The following CEP128 variants were observed in gnomAD, a reference collection of about 807,000 sequenced individuals.
CEP128 encodes the protein centrosomal protein 128kDa.
In CEP128, 132 loss-of-function variants were observed where a neutral mutation model predicts 156.7. That is an observed-to-expected ratio of 0.84 (90% CI 0.73 to 0.97). The LOEUF (loss-of-function observed/expected upper bound fraction) is 0.97. CEP128 is among the 50% of genes least tolerant of loss of function. The pLI is 0.00. For synonymous variants in CEP128, 469 were observed against 448.9 expected, an observed-to-expected ratio of 1.04 and a Z score of -0.57; for missense variants, 1,252 against 1,281.9, an observed-to-expected ratio of 0.98 and a Z score of 0.36.
At chr14:80,618,422 A>T (rs1893320903) in intron 19 of CEP128, among the ~76,000 whole-genome samples, 1 of 152,256 alleles carries the variant, frequency 6.6e-6, no homozygotes, top group Middle Eastern at 3.2e-3. Flanking sequence ...TCTGGCAAGA[A>T]GATGGCTCTA....
chr14:80,624,501 G>A (rs891930730), intron 19 of CEP128, among the ~76,000 whole-genome samples: 9 of 152,022 alleles, frequency 5.9e-5, no homozygotes, highest in Non-Finnish European at 8.8e-5. Flanking sequence ...TGGAACTTCC[G>A]TACTGTTTTC....
chr14:80,775,305 G>A (rs1407030142), intron 16 of CEP128, among the ~76,000 whole-genome samples: 1 of 152,154 alleles, frequency 6.6e-6, no homozygotes, highest in Non-Finnish European at 1.5e-5. Flanking sequence ...ATCTCTCAAA[G>A]AGAAAGTCCC....
At chr14:80,921,694 T>C (rs1043419186) in intron 2 of CEP128, among the ~76,000 whole-genome samples, 3 of 152,178 alleles carry the variant, frequency 2.0e-5, no homozygotes, top group African/African-American at 7.2e-5. Context: ...CCGGGCGCAG[T>C]GGCTCATGCC....
intron 19 of CEP128, among the ~76,000 whole-genome samples, chr14:80,700,278 C>T (rs772236878): frequency 2.4e-4 from 36 of 151,966 alleles, no homozygotes; most frequent in Non-Finnish European, 1.0e-4. Context: ...GTAATGAGTC[C>T]CATATCTCCA....
chr14:80,938,589 A>T (rs779573697), intron 2 of CEP128, among the ~76,000 whole-genome samples: 1 of 152,050 alleles, frequency 6.6e-6, no homozygotes, highest in Admixed American at 6.6e-5. Context: ...TCTCCCCTCT[A>T]TGTTTCAGAG....
chr14:80,801,908 C>CA (rs771352686), intron 13 of CEP128, among the ~76,000 whole-genome samples: 11,294 of 18,672 alleles, frequency 0.6, 5,247 homozygotes, highest in Non-Finnish European at 0.79. Context: ...ACTCTGTCTC[C>CA]CCAAAAAAAA....
intron 14 of CEP128, among the ~76,000 whole-genome samples, chr14:80,788,310 T>TTTTTTTTTC (rs398025906): frequency 6.7e-6 from 1 of 149,438 alleles, no homozygotes; most frequent in Non-Finnish European, 1.5e-5. Flanking sequence ...TTTTTTTTTT[T>TTTTTTTTTC]CTGTTTCCTG....
At chr14:80,495,628 T>C (rs1887467385), downstream of CEP128, among the ~76,000 whole-genome samples, 1 of 152,122 alleles carries the variant, frequency 6.6e-6, no homozygotes, top group Non-Finnish European at 1.5e-5. Flanking sequence ...AGTAAATAAT[T>C]TGAGTTACTT....
intron 23 of CEP128, among the ~76,000 whole-genome samples, chr14:80,519,152 T>G (rs1451624153): frequency 6.6e-6 from 1 of 152,256 alleles, no homozygotes; most frequent in African/African-American, 2.4e-5. Context: ...CACAAGGACC[T>G]ATTTTCATTG....
At chr14:80,915,669 C>T (rs1213174572) in intron 3 of CEP128, among the ~76,000 whole-genome samples, 5 of 152,100 alleles carry the variant, frequency 3.3e-5, no homozygotes, top group African/African-American at 4.8e-5. Context: ...TTATTTTCAC[C>T]CACAAATAAT....
intron 14 of CEP128, among the ~76,000 whole-genome samples, chr14:80,792,444 T>C (rs1183548246): frequency 2.0e-5 from 3 of 152,046 alleles, no homozygotes; most frequent in African/African-American, 7.2e-5. Flanking sequence ...GATTTAGTCA[T>C]TTTTTTTCCA....
At chr14:80,531,248 G>C (rs1381603654) in intron 21 of CEP128, among the ~76,000 whole-genome samples, 1 of 152,104 alleles carries the variant, frequency 6.6e-6, no homozygotes, top group African/African-American at 2.4e-5. Flanking sequence ...AGGTAATACT[G>C]AGAAACAGAT....
chr14:80,649,960 A>G (rs1189756748), intron 19 of CEP128, among the ~76,000 whole-genome samples: 2 of 152,112 alleles, frequency 1.3e-5, no homozygotes, highest in African/African-American at 4.8e-5. Context: ...AAGAGAGTCA[A>G]TGGTAGCTGG....
chr14:80,868,711 T>C (rs1478939915), intron 8 of CEP128, among the ~76,000 whole-genome samples: 1 of 152,010 alleles, frequency 6.6e-6, no homozygotes, highest in Non-Finnish European at 1.5e-5. Flanking sequence ...AGTAGCTACT[T>C]AGACTTTTTC....
At chr14:80,778,257 A>G (rs1402240743) in intron 15 of CEP128, among the ~76,000 whole-genome samples, 3 of 152,238 alleles carry the variant, frequency 2.0e-5, no homozygotes, top group Non-Finnish European at 2.9e-5. Flanking sequence ...GAAGTGGTAG[A>G]TACTGGACTA....
chr14:80,595,819 A>G (rs1388054890), intron 19 of CEP128, among the ~76,000 whole-genome samples: 1 of 152,166 alleles, frequency 6.6e-6, no homozygotes, highest in Non-Finnish European at 1.5e-5. Context: ...GGCAAGGAGG[A>G]GCAAAGTCAC....
chr14:80,723,929 C>T (rs958627899), intron 19 of CEP128, among the ~76,000 whole-genome samples: 4 of 152,294 alleles, frequency 2.6e-5, no homozygotes, highest in Admixed American at 6.5e-5. Flanking sequence ...TAGTAACTTA[C>T]GCAGAACAGA....
At chr14:80,702,542 A>C (rs1897109349) in intron 19 of CEP128, among the ~76,000 whole-genome samples, 1 of 152,208 alleles carries the variant, frequency 6.6e-6, no homozygotes, top group Admixed American at 6.5e-5. Flanking sequence ...ACATTTACTG[A>C]ATACTTCCTA....
At chr14:80,889,399 A>G (rs1185194526) in intron 8 of CEP128, among the ~76,000 whole-genome samples, 1 of 152,230 alleles carries the variant, frequency 6.6e-6, no homozygotes, top group African/African-American at 2.4e-5. Context: ...TACAGTAACC[A>G]AAACAGCATG....
Sources: gnomAD v4.1 joint callset for allele counts (sites outside exome capture counted in the v4.1 genomes callset) on GRCh38, gnomAD v4.1.1 for gene constraint, MANE v1.5 for transcripts, NCBI Gene and HGNC (gene_info 2026-07-23, HGNC 2026-07-21) for gene names.